Variants in RANBP2 observed in about 807,000 individuals in gnomAD.
RANBP2 encodes RAN binding protein 2, also known as E3 SUMO-protein ligase RanBP2.
Under a neutral mutation model 303.6 loss-of-function variants are expected in RANBP2, and 57 were observed. The observed-to-expected ratio is 0.19, with a 90% CI of 0.15 to 0.23. RANBP2 has a LOEUF of 0.23. Among genes scored for constraint, RANBP2 ranks in the 10% least tolerant of loss-of-function variants. The pLI is 1.00. For missense variants in RANBP2, 3,138 were observed against 3,780.8 expected (o/e 0.83, Z 4.46); for synonymous variants, 1,167 against 1,301.5 (o/e 0.90, Z 2.23).
At chr2:108,729,808 C>A (rs576829416) in intron 2 of RANBP2, among the ~76,000 whole-genome samples, 3,629 of 151,542 alleles carry the variant, frequency 0.024, 139 homozygotes, top group African/African-American at 0.084. Context: ...TAACCTCTGC[C>A]TTCTGGGCTC....
At chr2:109,131,492 A>G in the RANBP2 span, among the ~76,000 whole-genome samples, 2 of 152,224 alleles carry the variant, frequency 1.3e-5, no homozygotes, top group Non-Finnish European at 2.9e-5. Context: ...CTGTTCTGAT[A>G]AATTATGTGA....
the RANBP2 span, among the ~76,000 whole-genome samples, chr2:109,717,272 C>CAAAAAAAAAAAAAAAAAAAAAACACA: frequency 8.0e-6 from 1 of 124,796 alleles, no homozygotes; most frequent in Admixed American, 8.2e-5. Flanking sequence ...AAAAACAAAC[C>CAAAAAAAAAAAAAAAAAAAAAACACA]AAAAAAAAAA....
chr2:109,290,727 G>A, the RANBP2 span, among the ~76,000 whole-genome samples: 1 of 152,236 alleles, frequency 6.6e-6, no homozygotes, highest in Non-Finnish European at 1.5e-5. Flanking sequence ...CTGCACTCAA[G>A]GGAGGTGCTG....
chr2:109,735,837 G>C, the RANBP2 span, among the ~76,000 whole-genome samples: 2 of 152,150 alleles, frequency 1.3e-5, no homozygotes, highest in Non-Finnish European at 2.9e-5. Context: ...TCTGCCTTCA[G>C]TGAAGGCAGA....
the RANBP2 span, among the ~76,000 whole-genome samples, chr2:109,431,060 C>T: frequency 6.6e-6 from 1 of 152,234 alleles, no homozygotes; most frequent in Non-Finnish European, 1.5e-5. Flanking sequence ...TCCTGCTATT[C>T]CAGAATATTC....
chr2:108,865,516 A>C, the RANBP2 span, among the ~76,000 whole-genome samples: 4 of 152,274 alleles, frequency 2.6e-5, no homozygotes, highest in Admixed American at 2.6e-4. Context: ...TTACCTCTCT[A>C]AGTCTTCATG....
chr2:109,410,754 G>A, the RANBP2 span, among the ~76,000 whole-genome samples: 2 of 152,218 alleles, frequency 1.3e-5, no homozygotes, highest in Non-Finnish European at 2.9e-5. Context: ...TGGTGCAAAC[G>A]TACTTTATTA....
chr2:109,680,878 T>A, the RANBP2 span, among the ~76,000 whole-genome samples: 299 of 152,354 alleles, frequency 2.0e-3, 1 homozygote, highest in Admixed American at 3.7e-3. Flanking sequence ...GCTTTGCTGC[T>A]GGAAATATAA....
the RANBP2 span, among the ~76,000 whole-genome samples, chr2:109,089,416 A>C: frequency 6.6e-6 from 1 of 152,020 alleles, no homozygotes; most frequent in Non-Finnish European, 1.5e-5. Context: ...CAGCCTAAGC[A>C]ACACAGTGAG....
the RANBP2 span, among the ~76,000 whole-genome samples, chr2:109,130,811 T>C: frequency 6.6e-6 from 1 of 152,202 alleles, no homozygotes; most frequent in East Asian, 1.9e-4. Flanking sequence ...GGGCCTTCGC[T>C]GCTTCTGTTT....
At chr2:108,839,179 C>T in the RANBP2 span, 2 of 1,597,258 alleles carry the variant, frequency 1.3e-6, no homozygotes, top group South Asian at 2.3e-5. Flanking sequence ...ATCATTTTAT[C>T]TTTAGCTTTT....
the RANBP2 span, among the ~76,000 whole-genome samples, chr2:109,065,015 C>T: frequency 9.9e-5 from 15 of 152,152 alleles, no homozygotes; most frequent in Non-Finnish European, 2.1e-4. Flanking sequence ...CATAGGGATT[C>T]ATTTAATGTC....
At chr2:109,476,906 T>C in the RANBP2 span, among the ~76,000 whole-genome samples, 4 of 152,184 alleles carry the variant, frequency 2.6e-5, no homozygotes, top group African/African-American at 9.7e-5. Context: ...GTCATGGCGC[T>C]AATGGGAGTG....
At chr2:109,716,539 C>T in the RANBP2 span, among the ~76,000 whole-genome samples, 33 of 151,648 alleles carry the variant, frequency 2.2e-4, no homozygotes, top group African/African-American at 7.3e-4. Flanking sequence ...CGTGAGCCAC[C>T]GCACCCAGCC....
At chr2:109,413,994 G>T in the RANBP2 span, among the ~76,000 whole-genome samples, 1 of 152,222 alleles carries the variant, frequency 6.6e-6, no homozygotes. Flanking sequence ...TAGGTCCTTG[G>T]CTTCCTTGGC....
chr2:109,159,788 G>A, the RANBP2 span, among the ~76,000 whole-genome samples: 1 of 152,088 alleles, frequency 6.6e-6, no homozygotes, highest in Non-Finnish European at 1.5e-5. Context: ...CTGCACATGC[G>A]GGGGATTTAG....
rs753695366 is a variant in RANBP2, at chr2:108,773,054, C to A, written c.8292+8C>A. 30 of 1,604,680 alleles carry A rather than the reference C, an allele frequency of 1.9e-5. No homozygotes were observed. The highest frequency in any genetic ancestry group is 2.6e-5 in the Non-Finnish European group (30 of 1,174,136). On this transcript the variant is annotated splice_region_variant and intron_variant, in intron 23 of 28. Coordinates refer to ENST00000283195, the MANE Select transcript of RANBP2 (RefSeq NM_006267.5). ...AAAGTTCAGGAAGCTCAAGTAAGAA[C>A]ATCTCTAATAAATTTTCCTTCTAGT...
At chr2:109,161,707 C>T in the RANBP2 span, among the ~76,000 whole-genome samples, 2 of 151,804 alleles carry the variant, frequency 1.3e-5, no homozygotes, top group South Asian at 4.2e-4. Context: ...GAGAGGAAGC[C>T]GGGAGCAGGA....
the RANBP2 span, among the ~76,000 whole-genome samples, chr2:109,319,942 C>A: frequency 7.9e-5 from 12 of 152,282 alleles, no homozygotes; most frequent in African/African-American, 2.6e-4. Context: ...GCAAGGTGAA[C>A]GAGCTGCTGT....
Sources: allele counts gnomAD v4.1 joint callset (sites outside exome capture counted in the v4.1 genomes callset), GRCh38; gene constraint gnomAD v4.1.1; transcripts MANE v1.5; gene names NCBI Gene and HGNC (gene_info 2026-07-23, HGNC 2026-07-21).